The following RNF130 variants were observed in gnomAD, a reference collection of about 807,000 sequenced individuals.
The protein encoded by RNF130 is ring finger protein 130.
RNF130 carries 21 observed loss-of-function variants against 44.6 expected under a neutral mutation model. The observed-to-expected ratio is 0.47, with a 90% CI of 0.33 to 0.68. RNF130 has a LOEUF of 0.68. RNF130 is among the 30% of genes least tolerant of loss of function. The pLI, the probability that RNF130 is intolerant of heterozygous loss-of-function variation, is 0.02. For missense variants in RNF130, 479 were observed against 560.6 expected (o/e 0.85, Z 1.47); for synonymous variants, 214 against 210.4 (o/e 1.02, Z -0.15).
intron 1 of RNF130, among the ~76,000 whole-genome samples, chr5:180,063,058 G>C (rs923468955): frequency 6.6e-6 from 1 of 152,204 alleles, no homozygotes; most frequent in Admixed American, 6.5e-5. Flanking sequence ...GCTGGAGCTA[G>C]ACCAGGTAGT....
At chr5:180,019,499 G>C (rs867462623) in intron 2 of RNF130, among the ~76,000 whole-genome samples, 1 of 152,148 alleles carries the variant, frequency 6.6e-6, no homozygotes, top group Non-Finnish European at 1.5e-5. Context: ...CTGTGTCTCA[G>C]GGAGACTGCT....
intron 1 of RNF130, among the ~76,000 whole-genome samples, chr5:180,049,863 T>TC (rs547436201): frequency 6.6e-6 from 1 of 152,166 alleles, no homozygotes; most frequent in Non-Finnish European, 1.5e-5. Flanking sequence ...GAATTTCATT[T>TC]CCCCCTTTTC....
Position 179,962,801 on chromosome 5 carries a change from C to T in RNF130, c.1244+670G>A, listed in dbSNP as rs74903646. On this transcript the variant is annotated intron_variant, in intron 8 of 8. Transcript: ENST00000521389. Reference sequence around the variant, plus strand: ...GTGACATCCAGCCTCTGCCTACATTCCCAGTCCTGAGCGTGCCCTACAGCA... The same window carrying T: ...GTGACATCCAGCCTCTGCCTACATTTCCAGTCCTGAGCGTGCCCTACAGCA... Among the ~76,000 whole-genome samples the T allele has an allele frequency of 7.3e-3, 1,115 of 152,298 alleles. 7 individuals carry two copies. Among genetic ancestry groups the T allele is most frequent in the Middle Eastern group, 0.014 (4 of 294 alleles).
chr5:179,958,995 T>G (rs1762268554), intron 8 of RNF130, among the ~76,000 whole-genome samples: 2 of 152,132 alleles, frequency 1.3e-5, no homozygotes, highest in Admixed American at 6.6e-5. Flanking sequence ...AGTTCTTTCT[T>G]ATATCAAGTG....
chr5:180,032,044 T>C (rs769154154), intron 2 of RNF130, among the ~76,000 whole-genome samples: 6 of 152,244 alleles, frequency 3.9e-5, no homozygotes, highest in Non-Finnish European at 8.8e-5. Context: ...TTTTGCCCGT[T>C]GTAAAACTAG....
intron 3 of RNF130, among the ~76,000 whole-genome samples, chr5:180,005,135 A>AC (rs571610844): frequency 2.0e-3 from 303 of 152,164 alleles, no homozygotes; most frequent in Non-Finnish European, 2.5e-3. Context: ...CTGCTAAAAA[A>AC]CCGTACTGAT....
chr5:180,043,412 T>C (rs1329716864), intron 1 of RNF130, among the ~76,000 whole-genome samples: 1 of 152,170 alleles, frequency 6.6e-6, no homozygotes, highest in Non-Finnish European at 1.5e-5. Flanking sequence ...TCCTATGTTG[T>C]CTTGGTGATC....
intron 7 of RNF130, among the ~76,000 whole-genome samples, chr5:179,941,775 T>C (rs576902257): frequency 1.9e-4 from 29 of 152,328 alleles, no homozygotes; most frequent in African/African-American, 5.8e-4. Flanking sequence ...CTTCTTGATA[T>C]GATGGTTGCA....
Position 179,945,897 on chromosome 5 carries a change from GC to G in RNF130, c.1150+20908del, listed in dbSNP as rs1762030138. 4.0e-5 allele frequency among the ~76,000 whole-genome samples: 4 copies of G among 99,340 alleles called. No homozygotes were observed. In the South Asian group the frequency reaches 1.8e-3, roughly 45 times the overall value. 65.2% of individuals were successfully genotyped at this position (99,340 alleles called of 152,430 possible). ...CATTTATACCCACTCAACAATAAAT[GC>G]CCGGAGGGAAAAAGGCGGGGGCAGG... On this transcript the variant is annotated intron_variant, in intron 7 of 7. Transcript: ENST00000522208.
At chr5:179,970,577 G>T in intron 5 of RNF130, 71 bp from the exon 6 acceptor site, 1 of 1,212,016 alleles carries the variant, frequency 8.3e-7, no homozygotes, top group South Asian at 1.4e-5. Context: ...TGGAAAGAAA[G>T]GGAATTTTTA....
chr5:179,998,844 T>C (rs1763260795), intron 3 of RNF130, among the ~76,000 whole-genome samples: 1 of 131,080 alleles, frequency 7.6e-6, no homozygotes, highest in Non-Finnish European at 1.6e-5. Context: ...TCTCTCTCTT[T>C]AGATCTAGTA....
At chr5:180,067,158 G>C (rs924489050) in intron 1 of RNF130, among the ~76,000 whole-genome samples, 1 of 152,200 alleles carries the variant, frequency 6.6e-6, no homozygotes, top group Non-Finnish European at 1.5e-5. Flanking sequence ...GGTGGGGTGA[G>C]GTCAGTGAGA....
chr5:180,048,688 C>T (rs533358088), intron 1 of RNF130, among the ~76,000 whole-genome samples: 2 of 152,218 alleles, frequency 1.3e-5, no homozygotes, highest in South Asian at 2.1e-4. Context: ...CTGTATTTTG[C>T]GGTGAAGAAT....
chr5:180,010,423 G>A (rs989708444), intron 3 of RNF130, among the ~76,000 whole-genome samples: 7 of 151,908 alleles, frequency 4.6e-5, no homozygotes, highest in East Asian at 3.9e-4. Flanking sequence ...GCAGTGGTAC[G>A]ATCATGGCTC....
chr5:179,934,477 C>T (rs1761858627), intron 7 of RNF130, among the ~76,000 whole-genome samples: 1 of 151,308 alleles, frequency 6.6e-6, no homozygotes, highest in Non-Finnish European at 1.5e-5. Flanking sequence ...TCAGCAGAAA[C>T]CTGTTAATTT....
At chr5:180,066,833 T>A (rs10059400) in intron 1 of RNF130, among the ~76,000 whole-genome samples, 125,349 of 151,988 alleles carry the variant, frequency 0.82, 52,041 homozygotes, top group South Asian at 0.93. Context: ...ACTCTGTCTC[T>A]AAAAAATAAA....
intron 3 of RNF130, among the ~76,000 whole-genome samples, chr5:179,996,801 T>C (rs746009652): frequency 1.3e-5 from 2 of 152,252 alleles, no homozygotes; most frequent in Non-Finnish European, 2.9e-5. Context: ...TCATGTGGTA[T>C]TGCTATTAGG....
chr5:179,943,598 C>T (rs1761994132), intron 7 of RNF130, among the ~76,000 whole-genome samples: 1 of 152,112 alleles, frequency 6.6e-6, no homozygotes, highest in South Asian at 2.1e-4. Flanking sequence ...AACCTGCCTG[C>T]AAGATAGATG....
At chr5:180,044,272 C>A (rs182864052) in intron 1 of RNF130, among the ~76,000 whole-genome samples, 98 of 152,162 alleles carry the variant, frequency 6.4e-4, no homozygotes, top group African/African-American at 2.2e-3. Context: ...AATTATAGAG[C>A]CAGGAAAAAC....
Sources: allele counts gnomAD v4.1 joint callset (sites outside exome capture counted in the v4.1 genomes callset), GRCh38; gene constraint gnomAD v4.1.1; transcripts MANE v1.5; gene names NCBI Gene and HGNC (gene_info 2026-07-23, HGNC 2026-07-21).